Variants in AFG2A observed in about 807,000 individuals in gnomAD.
AFG2A encodes the protein AAA ATPase AFG2A, also known as ATPase family gene 2 protein homolog A.
At chr4:123,286,560 T>C in the AFG2A span, among the ~76,000 whole-genome samples, 1 of 152,244 alleles carries the variant, frequency 6.6e-6, no homozygotes, top group African/African-American at 2.4e-5. Flanking sequence ...TTAGCTTAAA[T>C]AACCAGCAGT....
the AFG2A span, among the ~76,000 whole-genome samples, chr4:123,029,725 A>G: frequency 6.6e-6 from 1 of 151,894 alleles, no homozygotes; most frequent in African/African-American, 2.4e-5. Context: ...GTAACCTCAA[A>G]TTCCTGGGCT....
chr4:122,928,921 G>A, the AFG2A span: 20 of 1,262,402 alleles, frequency 1.6e-5, no homozygotes, highest in Non-Finnish European at 2.1e-5. Flanking sequence ...ACTCTTTTTG[G>A]GTAAAGACTG....
At chr4:123,079,396 G>A in the AFG2A span, among the ~76,000 whole-genome samples, 3 of 152,124 alleles carry the variant, frequency 2.0e-5, no homozygotes, top group East Asian at 5.8e-4. Context: ...ACTAAGGATA[G>A]GATCTGACAT....
At chr4:123,023,101 G>T in the AFG2A span, among the ~76,000 whole-genome samples, 4 of 150,874 alleles carry the variant, frequency 2.7e-5, no homozygotes, top group African/African-American at 9.8e-5. Flanking sequence ...TGAGTTAATG[G>T]GTGCAGCACA....
chr4:123,127,784 T>C, the AFG2A span, among the ~76,000 whole-genome samples: 2 of 152,188 alleles, frequency 1.3e-5, no homozygotes, highest in African/African-American at 4.8e-5. Flanking sequence ...GAGTTTTTAT[T>C]AGAGGCTATA....
chr4:123,009,729 C>T, the AFG2A span, among the ~76,000 whole-genome samples: 5 of 152,204 alleles, frequency 3.3e-5, no homozygotes, highest in African/African-American at 4.8e-5. Flanking sequence ...TGTTTTCTTA[C>T]GGTTTGACTG....
At chr4:123,201,847 G>C in the AFG2A span, among the ~76,000 whole-genome samples, 2 of 152,072 alleles carry the variant, frequency 1.3e-5, no homozygotes, top group Non-Finnish European at 2.9e-5. Flanking sequence ...ATCTGAGCTG[G>C]TGAGGTCGAG....
the AFG2A span, among the ~76,000 whole-genome samples, chr4:122,926,542 G>A: frequency 6.6e-6 from 1 of 152,154 alleles, no homozygotes; most frequent in African/African-American, 2.4e-5. Context: ...AATGTGTTGG[G>A]GAGTTGTTTT....
At chr4:123,142,614 CAT>C in the AFG2A span, among the ~76,000 whole-genome samples, 90 of 152,184 alleles carry the variant, frequency 5.9e-4, no homozygotes, top group African/African-American at 2.1e-3. Context: ...GGTAATCTGT[CAT>C]AGACTTCACT....
At chr4:123,059,961 A>G in the AFG2A span, among the ~76,000 whole-genome samples, 1 of 152,262 alleles carries the variant, frequency 6.6e-6, no homozygotes, top group Non-Finnish European at 1.5e-5. Flanking sequence ...TTTTTTGAGA[A>G]GTGTCTGTTC....
At chr4:123,219,740 G>A in the AFG2A span, among the ~76,000 whole-genome samples, 1 of 152,046 alleles carries the variant, frequency 6.6e-6, no homozygotes, top group African/African-American at 2.4e-5. Context: ...TTGTGCATGT[G>A]TATAAAATAT....
At chr4:122,971,903 G>A in the AFG2A span, among the ~76,000 whole-genome samples, 1 of 152,058 alleles carries the variant, frequency 6.6e-6, no homozygotes, top group African/African-American at 2.4e-5. Context: ...TCTTTTTAAT[G>A]TATTGATCTT....
the AFG2A span, among the ~76,000 whole-genome samples, chr4:123,019,701 T>C: frequency 6.6e-6 from 1 of 152,216 alleles, no homozygotes; most frequent in Non-Finnish European, 1.5e-5. Context: ...AAGACAGATA[T>C]TTTATATATT....
At chr4:122,969,554 G>T in the AFG2A span, among the ~76,000 whole-genome samples, 2 of 152,044 alleles carry the variant, frequency 1.3e-5, no homozygotes, top group African/African-American at 2.4e-5. Flanking sequence ...CTTGACTATT[G>T]TTGGCACTTT....
At chr4:123,086,193 C>T in the AFG2A span, among the ~76,000 whole-genome samples, 1 of 152,062 alleles carries the variant, frequency 6.6e-6, no homozygotes, top group Non-Finnish European at 1.5e-5. Flanking sequence ...TTCTGAAGAA[C>T]TTTAAACATT....
At chr4:123,226,118 C>T in the AFG2A span, among the ~76,000 whole-genome samples, 34 of 152,248 alleles carry the variant, frequency 2.2e-4, no homozygotes, top group African/African-American at 7.7e-4. Flanking sequence ...TGGGCTGAGA[C>T]GAAGGGGTTT....
At chr4:123,094,384 C>T in the AFG2A span, among the ~76,000 whole-genome samples, 47 of 152,044 alleles carry the variant, frequency 3.1e-4, no homozygotes, top group South Asian at 8.3e-4. Flanking sequence ...TTCCTTTGGC[C>T]GGGGAACGTG....
the AFG2A span, among the ~76,000 whole-genome samples, chr4:123,184,532 CTT>C: frequency 0.03 from 2,638 of 89,036 alleles, 33 homozygotes; most frequent in African/African-American, 0.11. Flanking sequence ...ATGATCATTT[CTT>C]TTTTTTTTTT....
the AFG2A span, among the ~76,000 whole-genome samples, chr4:123,001,515 G>A: frequency 8.7e-5 from 13 of 149,484 alleles, no homozygotes; most frequent in East Asian, 1.4e-3. Context: ...CTTTGTTCTC[G>A]TTGGTTTCAA....
Sources: gnomAD v4.1 joint callset for allele counts (sites outside exome capture counted in the v4.1 genomes callset) on GRCh38, gnomAD v4.1.1 for gene constraint, MANE v1.5 for transcripts, NCBI Gene and HGNC (gene_info 2026-07-23, HGNC 2026-07-21) for gene names.